Variants in ENG observed in about 807,000 individuals in gnomAD.
The protein encoded by ENG is endoglin.
A neutral mutation model predicts 71.0 loss-of-function variants in ENG; 17 were observed. The observed-to-expected ratio is 0.24, with a 90% CI of 0.16 to 0.36. The LOEUF (loss-of-function observed/expected upper bound fraction) is 0.36. Ranked by LOEUF, ENG falls within the 10% of genes least tolerant of loss-of-function variation. The probability of loss-of-function intolerance (pLI) is 1.00; values close to 1 mark genes in which losing one functional copy is unlikely to be tolerated. For synonymous variants in ENG, 360 were observed against 366.9 expected (o/e 0.98, Z 0.21); for missense variants, 749 against 868.3 (o/e 0.86, Z 1.73).
At chr9:127,822,579 G>A (rs183843762) in intron 8 of ENG, 8 of 152,260 alleles carry the variant, frequency 5.3e-5, no homozygotes, top group Non-Finnish European at 1.0e-4. Flanking sequence ...GTGTAACAAG[G>A]GAAGAGGAGT....
chr9:127,848,396 C>A (rs1039355185), intron 1 of ENG, among the ~76,000 whole-genome samples: 3 of 151,950 alleles, frequency 2.0e-5, no homozygotes, highest in Admixed American at 6.6e-5. Flanking sequence ...CTCAAGCAAT[C>A]CTCTGCCTCA....
At chr9:127,817,090 T>C (rs546978447) in intron 13 of ENG, 59 bp downstream of exon 13, 1 of 1,596,496 alleles carries the variant, frequency 6.3e-7, no homozygotes, top group South Asian at 1.1e-5. Flanking sequence ...GGCTGCCCGC[T>C]GTGCCCTACT....
chr9:127,824,371 A>T lies in ENG; in HGVS notation c.1067T>A (p.Met356Lys), dbSNP rs138190783. Residue 356 changes from methionine to lysine, a missense_variant, in exon 8 of 15, where the codon ATG (methionine) becomes AAG (lysine). Transcript: ENST00000373203. The part of the protein sequence containing the change: ...PKDTCSPELL[M>K]SLIQTKCADD... ...GGCACACTTTGTCTGGATCAAGGACATGAGCAGCTCCGGGCTACAAGTGTC... is the reference window on the plus strand; with the variant it reads ...GGCACACTTTGTCTGGATCAAGGACTTGAGCAGCTCCGGGCTACAAGTGTC... The T allele has an allele frequency of 2.7e-5, 44 of 1,614,032 alleles. No individual in the cohort carries two copies. The highest frequency in any genetic ancestry group is 3.5e-5 in the Non-Finnish European group (41 of 1,180,028).
chr9:127,842,918 C>A lies in ENG; in HGVS notation c.219+176G>T, dbSNP rs188163379. 1.4e-3 allele frequency among the ~76,000 whole-genome samples: 214 copies of A among 152,296 alleles called. No individual in the cohort carries two copies. The highest frequency in any genetic ancestry group is 4.4e-3 in the Admixed American group (67 of 15,304). On this transcript the variant is annotated intron_variant, in intron 2 of 14. Coordinates refer to ENST00000373203, the MANE Select transcript of ENG (RefSeq NM_001114753.3). ...AAGACTGCCCTGATCCAGACCCTGCCCCTAGAAATGCCACCTCTTATGGGC... is the reference window on the plus strand; with the variant it reads ...AAGACTGCCCTGATCCAGACCCTGCACCTAGAAATGCCACCTCTTATGGGC...
At chr9:127,843,350 C>A in intron 1 of ENG, 105 bp from the exon 2 acceptor site, 1 of 1,451,928 alleles carries the variant, frequency 6.9e-7, no homozygotes, top group Non-Finnish European at 9.6e-7. Flanking sequence ...TAACGGCTTT[C>A]CTGCATCATC....
In ENG at chr9:127,816,047, G is replaced by A. The variant is rs1165364320; in HGVS notation, c.1748C>T (p.Thr583Ile). The A allele has an allele frequency of 8.1e-6, 13 of 1,609,556 alleles. No individual in the cohort carries two copies. The highest frequency in any genetic ancestry group is 1.7e-5 in the Admixed American group (1 of 59,606). The change falls in exon 14 of 15, where the codon ACA becomes ATA. Residue 583 changes from threonine (T) to isoleucine (I), a missense_variant. Physicochemically the swap from Thr to Ile is moderately conservative, Grantham distance 89 (BLOSUM62 -1). Coordinates refer to ENST00000373203, the MANE Select transcript of ENG (RefSeq NM_001114753.3). ...NIISPDLSGC[T>I]SKGLVLPAVL... ...GGCGGGCAGGACGAGGCCTTTGCTT[G>A]TGCAACCTAGAGAGGGCCGACGCCA...
intron 2 of ENG, among the ~76,000 whole-genome samples, chr9:127,835,638 G>A (rs937436927): frequency 1.3e-5 from 2 of 152,152 alleles, no homozygotes; most frequent in Non-Finnish European, 2.9e-5. Flanking sequence ...GGGGATGAAG[G>A]AGCCCCATGG....
chr9:127,817,318 A>C (rs1830348693), intron 12 of ENG, 115 bp from the exon 13 acceptor site: 7 of 1,055,688 alleles, frequency 6.6e-6, no homozygotes, highest in African/African-American at 1.6e-5. Context: ...TCCCATCTCC[A>C]CCGCTTCGTA....
At chr9:127,819,206 C>T in intron 10 of ENG, 2 of 325,420 alleles carry the variant, frequency 6.1e-6, no homozygotes, top group South Asian at 5.6e-5. Flanking sequence ...CAAAGTGCTG[C>T]GATTACAGGC....
chr9:127,825,628 C>G (rs867035536), intron 5 of ENG, 67 bp downstream of exon 5: 21 of 1,080,006 alleles, frequency 1.9e-5, no homozygotes, highest in African/African-American at 9.9e-5. Flanking sequence ...GGAGAGGGGG[C>G]GGGGGGGGTC....
At position 127,825,356 on chromosome 9, in the gene ENG, G is replaced by A. The variant is rs769339049; in HGVS notation, c.691C>T (p.Pro231Ser). Residue 231 changes from proline (P) to serine (S), a missense_variant and splice_region_variant, in exon 6 of 15, where the codon CCC becomes TCC. Coordinates refer to ENST00000373203, the MANE Select transcript of ENG (RefSeq NM_001114753.3). ...TCCACCTTCACCGTCACCGTCCGGG[G>A]CCTGCGGGGAGACAGACGCGGATGG... is the stretch of plus-strand genomic sequence containing the variant. ...LRVLPGHSAG[P>S]RTVTVKVELS... is the part of the protein sequence containing the mutation. The A allele has an allele frequency of 6.2e-7, 1 of 1,610,350 alleles. No individual in the cohort carries two copies. Among genetic ancestry groups the A allele is most frequent in the Admixed American group, 1.7e-5 (1 of 59,612 alleles).
chr9:127,837,911 C>T (rs1163612001), intron 2 of ENG, among the ~76,000 whole-genome samples: 1 of 152,122 alleles, frequency 6.6e-6, no homozygotes, highest in East Asian at 1.9e-4. Flanking sequence ...TCTGACCCTC[C>T]CCAACCCCCA....
chr9:127,853,364 C>G (rs1319013327), intron 1 of ENG, among the ~76,000 whole-genome samples: 4 of 152,176 alleles, frequency 2.6e-5, no homozygotes, highest in Non-Finnish European at 5.9e-5. Flanking sequence ...TCAGGAAGCC[C>G]CTGGATGCAC....
At chr9:127,819,777 C>G in intron 9 of ENG, 117 bp from the exon 10 acceptor site, 1 of 1,603,672 alleles carries the variant, frequency 6.2e-7, no homozygotes, top group Non-Finnish European at 8.5e-7. Flanking sequence ...CCAAGCTTGT[C>G]TTGTGTTCTG....
At chr9:127,817,106 C>T (rs770287851) in intron 13 of ENG, 43 bp downstream of exon 13, 1 of 1,612,326 alleles carries the variant, frequency 6.2e-7, no homozygotes, top group South Asian at 1.1e-5. Flanking sequence ...CTACTGTGAC[C>T]TCAGCCACTA....
In ENG at chr9:127,815,736, G is replaced by A. The variant is rs764694185; in HGVS notation, c.1923C>T (p.Asn641=). ...TGCTCTGGGTGCTCCCGATGCTGTG[G>A]TTGGTGCTGCTGCTCTCCGAGGAGG... The part of the protein sequence containing the change: ...APASSESSST[N]HSIGSTQSTP... Residue 641 remains asparagine (N), a synonymous_variant, in exon 15 of 15, where the codon AAC becomes AAT. Coordinates refer to ENST00000373203, the MANE Select transcript of ENG (RefSeq NM_001114753.3). 1.0e-5 allele frequency: 16 copies of A among 1,556,286 alleles called. No individual in the cohort carries two copies. The Admixed American group carries it at 2.8e-4, about 28-fold the overall frequency.
chr9:127,848,484 A>G (rs1588600801), intron 1 of ENG, among the ~76,000 whole-genome samples: 3 of 152,022 alleles, frequency 2.0e-5, no homozygotes, highest in Admixed American at 2.0e-4. Context: ...GAGTCTTGCT[A>G]TGTTGCCCAG....
chr9:127,839,233 C>T (rs1830972463), intron 2 of ENG, among the ~76,000 whole-genome samples: 1 of 152,214 alleles, frequency 6.6e-6, no homozygotes, highest in Non-Finnish European at 1.5e-5. Context: ...GCTGCTGATG[C>T]CACCTCTGCC....
rs893371543 is a variant in ENG, at chr9:127,854,474, G to A, written c.-119C>T. 3.5e-6 allele frequency: 4 copies of A among 1,126,882 alleles called. 1 individual carries two copies. Among genetic ancestry groups the A allele is most frequent in the Admixed American group, 2.5e-5 (1 of 40,706 alleles). The allele number at this position is 1,126,882 out of a possible 1,614,324, so 69.8% of individuals were successfully genotyped here. A position where few individuals can be genotyped will look rare whatever the true frequency, so the allele number is the denominator to read the frequency against. On this transcript the variant is annotated 5_prime_UTR_variant, in exon 1 of 15. Transcript: ENST00000373203. ...GACCCGAGGGGAGCAGGCGGCCGGA[G>A]CGACGGCGTCCCTGCTCCAGCCTTC...
Sources: gnomAD v4.1 joint callset for allele counts (sites outside exome capture counted in the v4.1 genomes callset) on GRCh38, gnomAD v4.1.1 for gene constraint, MANE v1.5 for transcripts, NCBI Gene and HGNC (gene_info 2026-07-23, HGNC 2026-07-21) for gene names.